Variants in SMARCC1 observed in about 807,000 individuals in gnomAD.
SMARCC1 encodes the protein SWI/SNF complex subunit SMARCC1.
SMARCC1 carries 43 observed loss-of-function variants against 147.4 expected under a neutral mutation model. The ratio of observed to expected loss-of-function variants is 0.29; its 90% CI spans 0.23 to 0.38. The LOEUF is 0.38. Ranked by LOEUF, SMARCC1 falls within the 10% of genes least tolerant of loss-of-function variation. SMARCC1 has a pLI of 1.00. For synonymous variants in SMARCC1, 495 were observed against 484.4 expected (o/e 1.02, Z -0.29); for missense variants, 1,119 against 1,381.1 (o/e 0.81, Z 3.01).
chr3:47,655,830 A>T (rs1485968566), intron 21 of SMARCC1, among the ~76,000 whole-genome samples: 3 of 152,252 alleles, frequency 2.0e-5, no homozygotes, highest in African/African-American at 4.8e-5. Flanking sequence ...TAGTTCTTTA[A>T]TCACCAGACA....
chr3:47,587,062 G>A lies in SMARCC1; in HGVS notation c.*1147C>T, dbSNP rs1246933103. On this transcript the variant is annotated 3_prime_UTR_variant, in exon 28 of 28. Coordinates refer to ENST00000254480, the MANE Select transcript of SMARCC1 (RefSeq NM_003074.4). ...GAGATCTCAGAAATGGAAGGGAGAA[G>A]GTATAAGGAGCTAATATCCTGCTTC... 6.6e-6 allele frequency: 1 copy of A among 152,478 alleles called. No homozygotes were observed. The highest frequency in any genetic ancestry group is 2.4e-5 in the African/African-American group (1 of 41,376). 9.4% of individuals were successfully genotyped at this position (152,478 alleles called of 1,614,324 possible).
chr3:47,765,672 A>C (rs1286974166), intron 2 of SMARCC1, among the ~76,000 whole-genome samples: 1 of 152,128 alleles, frequency 6.6e-6, no homozygotes, highest in East Asian at 1.9e-4. Flanking sequence ...AAATTCATAC[A>C]ACAGCAGAGT....
intron 3 of SMARCC1, among the ~76,000 whole-genome samples, chr3:47,745,248 C>T (rs2034552439): frequency 6.6e-6 from 1 of 152,002 alleles, no homozygotes; most frequent in Non-Finnish European, 1.5e-5. Flanking sequence ...AAAAGCGCAA[C>T]TAAGTCTCAA....
At chr3:47,764,542 A>T (rs2034813169) in intron 2 of SMARCC1, among the ~76,000 whole-genome samples, 1 of 152,196 alleles carries the variant, frequency 6.6e-6, no homozygotes, top group African/African-American at 2.4e-5. Context: ...ACTGAAGTTG[A>T]TCATATAGCT....
chr3:47,743,588 C>T (rs1045062352), intron 3 of SMARCC1, among the ~76,000 whole-genome samples: 5 of 151,772 alleles, frequency 3.3e-5, no homozygotes, highest in Admixed American at 2.0e-4. Context: ...CCGAGTCTGG[C>T]GGGTCACCTG....
intron 8 of SMARCC1, among the ~76,000 whole-genome samples, chr3:47,713,965 C>A (rs1387677693): frequency 1.3e-5 from 2 of 152,164 alleles, no homozygotes; most frequent in African/African-American, 4.8e-5. Flanking sequence ...TCTTCATGGC[C>A]GTACGTATCT....
intron 10 of SMARCC1, among the ~76,000 whole-genome samples, chr3:47,702,288 T>C (rs1462470234): frequency 1.1e-4 from 16 of 147,218 alleles, no homozygotes; most frequent in Admixed American, 1.1e-3. Context: ...ACAAGGGATA[T>C]AGGACAGAAA....
intron 13 of SMARCC1, among the ~76,000 whole-genome samples, chr3:47,688,807 G>T (rs1307480700): frequency 6.6e-6 from 1 of 152,182 alleles, no homozygotes; most frequent in Non-Finnish European, 1.5e-5. Flanking sequence ...GGTCGGCACT[G>T]AATATTACCT....
chr3:47,719,447 T>C (rs1160601060), intron 7 of SMARCC1, among the ~76,000 whole-genome samples: 1 of 151,314 alleles, frequency 6.6e-6, no homozygotes, highest in African/African-American at 2.4e-5. Flanking sequence ...ACACCTGTAA[T>C]CCCAGCACTT....
In SMARCC1 at chr3:47,691,515, G is replaced by C. The variant is rs1174220225; in HGVS notation, c.1225+1726C>G. Among the ~76,000 whole-genome samples, 2 of 152,160 alleles carry C rather than the reference G, an allele frequency of 1.3e-5. 1 individual carries two copies. The highest frequency in any genetic ancestry group is 2.9e-5 in the Non-Finnish European group (2 of 68,032). On this transcript the variant is annotated intron_variant, in intron 12 of 27. Coordinates refer to ENST00000254480, the MANE Select transcript of SMARCC1 (RefSeq NM_003074.4). The stretch of plus-strand genomic sequence containing the variant: ...TGTAATCCCAGCTACTTGGGAGGCT[G>C]AGGTAAGAGAATTGCTTGAACCTGG...
chr3:47,684,475 T>C (rs1457179937), intron 14 of SMARCC1, among the ~76,000 whole-genome samples: 1 of 151,700 alleles, frequency 6.6e-6, no homozygotes, highest in Non-Finnish European at 1.5e-5. Flanking sequence ...AGTATTGCTC[T>C]TGTAGCCCAG....
chr3:47,672,960 T>C (rs115721420), intron 18 of SMARCC1, among the ~76,000 whole-genome samples: 331 of 152,212 alleles, frequency 2.2e-3, no homozygotes, highest in African/African-American at 7.7e-3. Context: ...AGTATTTTTT[T>C]TTTTAGTAGA....
At position 47,635,282 on chromosome 3, in the gene SMARCC1, T is replaced by C. The variant is rs761441331; in HGVS notation, c.2554A>G (p.Thr852Ala). ...TCATGTTCTACTTTCTTCTTCCCAG[T>C]ATCACTTTCTCTTTCTTTACATGTA... ...TDTCKERESD[T>A]GKKKVEHEIS... is the part of the protein sequence containing the mutation. The change falls in exon 24 of 28, where the codon ACT (threonine) becomes GCT (alanine). Residue 852 changes from threonine (T) to alanine (A), a missense_variant. Transcript: ENST00000254480. 5.6e-6 allele frequency: 9 copies of C among 1,612,608 alleles called. No individual in the cohort carries two copies. In the South Asian group the frequency reaches 6.6e-5, roughly 12 times the overall value.
At chr3:47,771,057 C>T (rs1036083044) in intron 2 of SMARCC1, among the ~76,000 whole-genome samples, 5 of 152,058 alleles carry the variant, frequency 3.3e-5, no homozygotes, top group Admixed American at 6.6e-5. Context: ...ACCACAGGCA[C>T]CCGCCACCAC....
chr3:47,747,246 C>T (rs1301997786), intron 2 of SMARCC1, among the ~76,000 whole-genome samples: 1 of 151,614 alleles, frequency 6.6e-6, no homozygotes, highest in Non-Finnish European at 1.5e-5. Context: ...CCAGCCTGGG[C>T]AACATGGTGA....
Position 47,620,831 on chromosome 3 carries a change from T to C in SMARCC1, c.2781+1376A>G, listed in dbSNP as rs2032720734. Among the ~76,000 whole-genome samples the C allele has an allele frequency of 2.0e-5, 3 of 152,352 alleles. No homozygotes were observed. In the South Asian group the frequency reaches 6.2e-4, roughly 32 times the overall value. On this transcript the variant is annotated intron_variant, in intron 25 of 27. Coordinates refer to ENST00000254480, the MANE Select transcript of SMARCC1 (RefSeq NM_003074.4). ...GATGAGATTAAGTTCTCCTTTCTAGTATTTATTTTGAAGAAGTCAGGGAAT... is the reference window on the plus strand; with the variant it reads ...GATGAGATTAAGTTCTCCTTTCTAGCATTTATTTTGAAGAAGTCAGGGAAT...
chr3:47,708,706 T>G (rs888083288), intron 9 of SMARCC1, among the ~76,000 whole-genome samples: 3 of 152,182 alleles, frequency 2.0e-5, no homozygotes, highest in Admixed American at 1.3e-4. Context: ...AAAAAAAATT[T>G]TGAATAGTCC....
intron 1 of SMARCC1, among the ~76,000 whole-genome samples, chr3:47,778,767 C>A (rs774555598): frequency 6.6e-6 from 1 of 151,974 alleles, no homozygotes; most frequent in Non-Finnish European, 1.5e-5. Context: ...CTGAGGCAGG[C>A]AGAGAGCCCA....
Position 47,663,880 on chromosome 3 carries a change from G to A in SMARCC1, c.1900-1288C>T, listed in dbSNP as rs569371892. On this transcript the variant is annotated intron_variant, in intron 19 of 27. Transcript: ENST00000254480. ...CCTGGATCGCCGCCCAGGGTTTCAC[G>A]GTCACAGCCATCTTGCTGGGTCTAG... 1.1e-5 allele frequency: 16 copies of A among 1,512,584 alleles called. 1 individual carries two copies. The highest frequency in any genetic ancestry group is 3.4e-4 in the Middle Eastern group (2 of 5,868). The allele number at this position is 1,512,584 out of a possible 1,614,324, so 93.7% of individuals were successfully genotyped here. A position where few individuals can be genotyped will look rare whatever the true frequency, so the allele number is the denominator to read the frequency against.
Sources: allele counts gnomAD v4.1 joint callset (sites outside exome capture counted in the v4.1 genomes callset), GRCh38; gene constraint gnomAD v4.1.1; transcripts MANE v1.5; gene names NCBI Gene and HGNC (gene_info 2026-07-23, HGNC 2026-07-21).